RBPJ: variants seen among roughly 807,000 people sequenced by gnomAD.
RBPJ encodes the protein recombination signal binding protein for immunoglobulin kappa J region.
A neutral mutation model predicts 67.8 loss-of-function variants in RBPJ; 9 were observed. The observed-to-expected ratio is 0.13, with a 90% CI of 0.08 to 0.23. The LOEUF (loss-of-function observed/expected upper bound fraction) is 0.23. Ranked by LOEUF, RBPJ falls within the 10% of genes least tolerant of loss-of-function variation. The pLI is 1.00. For synonymous variants in RBPJ, 198 were observed against 203.3 expected (o/e 0.97, Z 0.22); for missense variants, 305 against 595.6 (o/e 0.51, Z 5.08).
chr4:26,114,497 A>ATATATGTGTG, the RBPJ span, among the ~76,000 whole-genome samples: 1 of 140,036 alleles, frequency 7.1e-6, no homozygotes, highest in African/African-American at 2.8e-5. Context: ...ATATATATAT[A>ATATATGTGTG]TGTATGTGTG....
chr4:26,376,574 A>G (rs1407573286), intron 1 of RBPJ, among the ~76,000 whole-genome samples: 2 of 152,202 alleles, frequency 1.3e-5, no homozygotes, highest in Non-Finnish European at 2.9e-5. Flanking sequence ...GCTATTGTGA[A>G]TAATGGTACT....
In RBPJ at chr4:26,264,161, G is replaced by A. The variant is rs1307786982; in HGVS notation, c.-166-98285G>A. ...ACCTCCCAAAGTGCTGGGATTACAG[G>A]CGTGAGCCACGGCGCCTGGCAGACA... On this transcript the variant is annotated intron_variant, in intron 1 of 4. Transcript: ENST00000512351. This position sits in a 1 kb window ranked among gnomAD's most constrained non-coding sequence, Gnocchi z 4.1. 1.3e-5 allele frequency among the ~76,000 whole-genome samples: 2 copies of A among 152,150 alleles called. No individual in the cohort carries two copies. Among genetic ancestry groups the A allele is most frequent in the Admixed American group, 6.5e-5 (1 of 15,274 alleles).
At chr4:26,291,810 C>T (rs1050994360) in intron 1 of RBPJ, among the ~76,000 whole-genome samples, 4 of 150,510 alleles carry the variant, frequency 2.7e-5, no homozygotes, top group Non-Finnish European at 5.9e-5. Context: ...TCCTGACCTC[C>T]GTTGATCCAC....
intron 1 of RBPJ, among the ~76,000 whole-genome samples, chr4:26,298,441 T>C (rs954619140): frequency 1.3e-5 from 2 of 152,192 alleles, no homozygotes. Context: ...ATAATCAGTG[T>C]GTTTTTTTGA....
In RBPJ at chr4:26,429,920, C is replaced by G. The variant is rs1351734261; in HGVS notation, c.911C>G (p.Pro304Arg). The change falls in exon 9 of 11, where the codon CCA becomes CGA. Residue 304 changes from proline (P) to arginine (R), a missense_variant. Transcript: ENST00000355476. ...QFQATPCPKE[P>R]NKEMINDGAS... ...TAGGCCACTCCATGTCCAAAAGAACCAAATAAAGAGATGATAAATGATGGC... is the reference window on the plus strand; with the variant it reads ...TAGGCCACTCCATGTCCAAAAGAACGAAATAAAGAGATGATAAATGATGGC... 6.2e-7 allele frequency: 1 copy of G among 1,612,906 alleles called. No individual in the cohort carries two copies. Among genetic ancestry groups the G allele is most frequent in the African/African-American group, 1.3e-5 (1 of 74,852 alleles).
intron 2 of RBPJ, among the ~76,000 whole-genome samples, chr4:26,397,502 A>G (rs1732252851): frequency 6.6e-6 from 1 of 152,206 alleles, no homozygotes; most frequent in Non-Finnish European, 1.5e-5. Flanking sequence ...ACTTTTCCTT[A>G]AAAACTTTTA....
At position 26,290,717 on chromosome 4, in the gene RBPJ, T is replaced by C. The variant is rs138618512; in HGVS notation, c.-166-71729T>C. On this transcript the variant is annotated intron_variant, in intron 1 of 4. Coordinates refer to the RBPJ transcript ENST00000512351. ...CGATAACATGCCTTCTTTTAAGCAC[T>C]CGAGTTTTGTTAGGTTCTCTCCAGT... 7.1e-4 allele frequency among the ~76,000 whole-genome samples: 107 copies of C among 150,982 alleles called. 3 individuals carry two copies. The highest frequency in any genetic ancestry group is 2.5e-3 in the African/African-American group (104 of 41,124).
chr4:26,182,841 A>G (rs963929366), intron 1 of RBPJ, among the ~76,000 whole-genome samples: 1 of 152,158 alleles, frequency 6.6e-6, no homozygotes, highest in African/African-American at 2.4e-5. Flanking sequence ...CACACACATT[A>G]GCATAGGCCT....
chr4:26,343,140 GTGTT>G (rs1725719484), intron 1 of RBPJ: 1 of 152,198 alleles, frequency 6.6e-6, no homozygotes, highest in Non-Finnish European at 1.5e-5. Flanking sequence ...AATGAATTCT[GTGTT>G]TGTTATTGTG....
At chr4:26,256,948 G>A (rs878890537) in intron 1 of RBPJ, among the ~76,000 whole-genome samples, 5 of 152,170 alleles carry the variant, frequency 3.3e-5, no homozygotes, top group Admixed American at 6.5e-5. Context: ...CACTCTATGC[G>A]TTTATGAGAC....
the RBPJ span, among the ~76,000 whole-genome samples, chr4:26,136,553 C>T: frequency 6.6e-6 from 1 of 152,286 alleles, no homozygotes; most frequent in African/African-American, 2.4e-5. Flanking sequence ...GTCAGCTACC[C>T]CCATCCCTGC....
chr4:26,141,308 G>A, the RBPJ span, among the ~76,000 whole-genome samples: 1 of 152,198 alleles, frequency 6.6e-6, no homozygotes, highest in Admixed American at 6.5e-5. Context: ...AAAGCCTTCA[G>A]GAGAAAGAAT....
chr4:26,253,567 TC>T (rs1476179966), intron 1 of RBPJ, among the ~76,000 whole-genome samples: 1 of 151,338 alleles, frequency 6.6e-6, no homozygotes, highest in East Asian at 1.9e-4. Flanking sequence ...CGCCTCGGCC[TC>T]CCAAAGTGCT....
intron 1 of RBPJ, among the ~76,000 whole-genome samples, chr4:26,224,954 A>G (rs1374493936): frequency 6.6e-6 from 1 of 152,232 alleles, no homozygotes; most frequent in Admixed American, 6.5e-5. Context: ...GAGACAAAAC[A>G]AAGACTAAGG....
chr4:26,180,147 G>GGACAACAGA (rs1716930576), intron 1 of RBPJ, among the ~76,000 whole-genome samples: 1 of 152,026 alleles, frequency 6.6e-6, no homozygotes, highest in South Asian at 2.1e-4. Flanking sequence ...ACAAGGAAGG[G>GGACAACAGA]GACAACAGAC....
In RBPJ at chr4:26,321,119, C is replaced by T. The variant is rs565554398; in HGVS notation, c.20+71C>T. On this transcript the variant is annotated intron_variant, in intron 1 of 10. Transcript: ENST00000355476. ...GCGTCTGGCAGCTCACGGCGGGCAG[C>T]GGGTTCGGGGGCCGCGGCGCGCTTG... is the stretch of plus-strand genomic sequence containing the variant. The T allele has an allele frequency of 2.6e-4, 346 of 1,323,750 alleles. 1 individual carries two copies. In the African/African-American group the frequency reaches 4.6e-3, roughly 18 times the overall value. 82.0% of individuals were successfully genotyped at this position (1,323,750 alleles called of 1,614,324 possible).
chr4:26,278,550 C>G (rs1209056605), intron 1 of RBPJ, among the ~76,000 whole-genome samples: 3 of 152,206 alleles, frequency 2.0e-5, no homozygotes, highest in Non-Finnish European at 4.4e-5. Flanking sequence ...GACACATCTG[C>G]ATTGCTATCG....
At chr4:26,387,113 A>C (rs545549248) in intron 2 of RBPJ, among the ~76,000 whole-genome samples, 2 of 152,298 alleles carry the variant, frequency 1.3e-5, no homozygotes, top group East Asian at 3.9e-4. Flanking sequence ...TACATCTTCT[A>C]CCTTGATATT....
chr4:26,179,571 AGT>A (rs1344804322), intron 1 of RBPJ, among the ~76,000 whole-genome samples: 1 of 152,180 alleles, frequency 6.6e-6, no homozygotes, highest in African/African-American at 2.4e-5. Context: ...AAAAATGCTC[AGT>A]ATTACTGATC....
Sources: gnomAD v4.1 joint callset for allele counts (sites outside exome capture counted in the v4.1 genomes callset) on GRCh38, gnomAD v4.1.1 for gene constraint, Gnocchi (gnomAD v3.1) non-coding constraint, MANE v1.5 for transcripts, NCBI Gene and HGNC (gene_info 2026-07-23, HGNC 2026-07-21) for gene names.